PKNOX2: variants seen among roughly 807,000 people sequenced by gnomAD.
PKNOX2 encodes the protein homeobox protein PKNOX2.
In PKNOX2, 14 loss-of-function variants were observed where a neutral mutation model predicts 53.1. The ratio of observed to expected loss-of-function variants is 0.26; its 90% CI spans 0.17 to 0.41. The LOEUF (loss-of-function observed/expected upper bound fraction) is 0.41, where lower values mean the gene tolerates loss of function less well. Ranked by LOEUF, PKNOX2 falls within the 10% of genes least tolerant of loss-of-function variation. PKNOX2 has a pLI of 1.00. For synonymous variants in PKNOX2, 257 were observed against 242.8 expected, an observed-to-expected ratio of 1.06 and a Z score of -0.54; for missense variants, 496 against 602.8, an observed-to-expected ratio of 0.82 and a Z score of 1.85.
intron 2 of PKNOX2, among the ~76,000 whole-genome samples, chr11:125,262,936 C>T (rs931838931): frequency 2.0e-5 from 3 of 152,132 alleles, no homozygotes; most frequent in East Asian, 1.9e-4. Context: ...CAGTCATCGG[C>T]GCCCCTCGCC....
chr11:125,218,063 A>T (rs1940724275), intron 1 of PKNOX2, among the ~76,000 whole-genome samples: 1 of 152,044 alleles, frequency 6.6e-6, no homozygotes, highest in South Asian at 2.1e-4. Context: ...GAGCAGGCAG[A>T]TTTGGATAGG....
chr11:125,254,017 A>G (rs541513774), intron 2 of PKNOX2, among the ~76,000 whole-genome samples: 30 of 152,202 alleles, frequency 2.0e-4, no homozygotes, highest in Non-Finnish European at 3.5e-4. Flanking sequence ...TATCCTGATG[A>G]GGTTCTTATG....
At chr11:125,428,584 T>C (rs1315038261) in intron 10 of PKNOX2, among the ~76,000 whole-genome samples, 1 of 152,188 alleles carries the variant, frequency 6.6e-6, no homozygotes, top group Non-Finnish European at 1.5e-5. Flanking sequence ...AAATAGCAGT[T>C]AACTTAAATT....
At chr11:125,326,523 A>G (rs1453052682) in intron 2 of PKNOX2, among the ~76,000 whole-genome samples, 6 of 152,226 alleles carry the variant, frequency 3.9e-5, no homozygotes, top group Non-Finnish European at 7.4e-5. Flanking sequence ...CTGGCAAGCC[A>G]TTGTAGACTT....
At chr11:125,222,593 G>GTA (rs1941257804) in intron 1 of PKNOX2, among the ~76,000 whole-genome samples, 3 of 145,968 alleles carry the variant, frequency 2.1e-5, no homozygotes, top group South Asian at 2.1e-4. Flanking sequence ...CCTGGTGTGT[G>GTA]TGTGTGTGTG....
intron 1 of PKNOX2, among the ~76,000 whole-genome samples, chr11:125,184,782 C>T (rs1956351807): frequency 6.6e-6 from 1 of 152,142 alleles, no homozygotes; most frequent in Non-Finnish European, 1.5e-5. Context: ...CATCTGTCTC[C>T]CAAGAAGACC....
chr11:125,214,301 G>T (rs986553789), intron 1 of PKNOX2, among the ~76,000 whole-genome samples: 1 of 151,946 alleles, frequency 6.6e-6, no homozygotes, highest in Non-Finnish European at 1.5e-5. Context: ...TTCCCAGTTT[G>T]TTCCTCAGAG....
chr11:125,411,949 C>A, intron 10 of PKNOX2, 84 bp downstream of exon 10: 1 of 1,585,470 alleles, frequency 6.3e-7, no homozygotes, highest in South Asian at 1.2e-5. Context: ...CTGCTGTCGG[C>A]TCCAAACCCA....
At chr11:125,172,617 C>T (rs1429461054) in intron 1 of PKNOX2, among the ~76,000 whole-genome samples, 1 of 152,198 alleles carries the variant, frequency 6.6e-6, no homozygotes, top group African/African-American at 2.4e-5. Flanking sequence ...TGTCAGTGTC[C>T]TCACTTATCC....
chr11:125,337,756 C>G (rs1950501332), intron 3 of PKNOX2, among the ~76,000 whole-genome samples: 1 of 152,138 alleles, frequency 6.6e-6, no homozygotes, highest in Non-Finnish European at 1.5e-5. Context: ...CTGGGACATC[C>G]ATTGCCCTGC....
At chr11:125,389,966 G>A (rs1953933388) in intron 6 of PKNOX2, among the ~76,000 whole-genome samples, 1 of 152,174 alleles carries the variant, frequency 6.6e-6, no homozygotes, top group Non-Finnish European at 1.5e-5. Context: ...CTGTGGATAA[G>A]GAGGCACCTG....
chr11:125,415,262 CG>C (rs1955812568), intron 10 of PKNOX2, among the ~76,000 whole-genome samples: 1 of 97,076 alleles, frequency 1.0e-5, no homozygotes, highest in Admixed American at 1.4e-4. Flanking sequence ...TTTTTGGTGG[CG>C]GGGTACAGTC....
At chr11:125,354,223 C>T (rs1057084554) in intron 4 of PKNOX2, among the ~76,000 whole-genome samples, 1 of 152,172 alleles carries the variant, frequency 6.6e-6, no homozygotes, top group Non-Finnish European at 1.5e-5. Context: ...TCCCCAAGAA[C>T]CAGCCGCTCT....
intron 2 of PKNOX2, among the ~76,000 whole-genome samples, chr11:125,281,693 T>C (rs898781625): frequency 2.6e-5 from 4 of 152,168 alleles, no homozygotes; most frequent in African/African-American, 9.7e-5. Flanking sequence ...AAACAAACCA[T>C]GTGTTTCCTT....
intron 1 of PKNOX2, among the ~76,000 whole-genome samples, chr11:125,194,052 A>T (rs1479212454): frequency 6.6e-6 from 1 of 152,204 alleles, no homozygotes; most frequent in Non-Finnish European, 1.5e-5. Context: ...AGGGCCCCGT[A>T]GGAGGGGTAA....
chr11:125,294,043 T>C (rs971838229), intron 2 of PKNOX2, among the ~76,000 whole-genome samples: 1 of 152,238 alleles, frequency 6.6e-6, no homozygotes, highest in African/African-American at 2.4e-5. Context: ...TGAACTCTGT[T>C]GTAGACTGCC....
At chr11:125,309,220 CTCTTT>C (rs1948657963) in intron 2 of PKNOX2, among the ~76,000 whole-genome samples, 1 of 148,478 alleles carries the variant, frequency 6.7e-6, no homozygotes, top group East Asian at 2.0e-4. Flanking sequence ...CTTTCTCTCT[CTCTTT>C]CTTCCTTCCT....
chr11:125,409,934 T>G, intron 7 of PKNOX2: 1 of 358,380 alleles, frequency 2.8e-6, no homozygotes, highest in Non-Finnish European at 5.1e-6. Flanking sequence ...ATGGGGGTTA[T>G]CAGATAATTT....
Position 125,351,291 on chromosome 11 carries a change from ATG to A in PKNOX2, c.-12_-11del. The A allele has an allele frequency of 6.4e-7, 1 of 1,557,818 alleles. No homozygotes were observed. The highest frequency in any genetic ancestry group is 8.8e-7 in the Non-Finnish European group (1 of 1,132,196). The stretch of plus-strand genomic sequence containing the variant: ...CCTTTCTCCTGCCCACAGGTCCTCC[ATG>A]TGAATCAATCCCATGATGCAACATG... On this transcript the variant is annotated 5_prime_UTR_variant, in exon 4 of 13. The change abolishes the stop of an existing upstream ORF in the 5' untranslated region. Transcript: ENST00000298282.
Sources: allele counts gnomAD v4.1 joint callset (sites outside exome capture counted in the v4.1 genomes callset), GRCh38; gene constraint gnomAD v4.1.1; transcripts MANE v1.5; gene names NCBI Gene and HGNC (gene_info 2026-07-23, HGNC 2026-07-21).